The following SVEP1 variants were observed in gnomAD, a reference collection of about 807,000 sequenced individuals.
SVEP1 encodes the protein sushi, von Willebrand factor type A, EGF and pentraxin domain containing 1.
Under a neutral mutation model 367.3 loss-of-function variants are expected in SVEP1, and 164 were observed. The observed-to-expected ratio is 0.45, with a 90% CI of 0.39 to 0.51. The LOEUF (loss-of-function observed/expected upper bound fraction) is 0.51, where lower values mean the gene tolerates loss of function less well. SVEP1 is among the 20% of genes least tolerant of loss of function. SVEP1 has a pLI of 0.00. For missense variants in SVEP1, 4,117 were observed against 4,425.3 expected (o/e 0.93, Z 1.98); for synonymous variants, 1,666 against 1,611.6 (o/e 1.03, Z -0.81).
At chr9:110,432,777 C>T in intron 30 of SVEP1, 142 bp from the exon 31 acceptor site, 1 of 933,906 alleles carries the variant, frequency 1.1e-6, no homozygotes, top group Non-Finnish European at 1.6e-6. Context: ...CTAGGGATAG[C>T]AGCAGCCTGA....
chr9:110,403,853 C>CTTTTTTTTTTTTTT (rs11439177), intron 39 of SVEP1, among the ~76,000 whole-genome samples: 1 of 144,192 alleles, frequency 6.9e-6, no homozygotes, highest in Non-Finnish European at 1.5e-5. Flanking sequence ...TAATAATACA[C>CTTTTTTTTTTTTTT]TTTTTTTTTT....
chr9:110,409,282 CATGGTGGTATGTGCCTGTA>C (rs1828007695), intron 37 of SVEP1, among the ~76,000 whole-genome samples: 1 of 151,970 alleles, frequency 6.6e-6, no homozygotes, highest in African/African-American at 2.4e-5. Context: ...ATTAGCTAGG[CATGGTGGTATGTGCCTGTA>C]ATCTCAGCCA....
intron 1 of SVEP1, among the ~76,000 whole-genome samples, chr9:110,576,095 A>T (rs1173873360): frequency 2.0e-5 from 3 of 152,162 alleles, no homozygotes; most frequent in Non-Finnish European, 2.9e-5. Flanking sequence ...TAAATGTCTT[A>T]AAAAAACATG....
chr9:110,513,071 A>G lies in SVEP1; in HGVS notation c.1158T>C (p.Asn386=). 1 of 1,613,850 alleles carries G rather than the reference A, an allele frequency of 6.2e-7. No individual in the cohort carries two copies. The highest frequency in any genetic ancestry group is 8.5e-7 in the Non-Finnish European group (1 of 1,179,832). The change falls in exon 5 of 48, where the codon AAT becomes AAC. Residue 386 remains asparagine, a synonymous_variant. Transcript: ENST00000374469. ...VHCPALKPPE[N]GYFIQNTCNN... is the part of the protein sequence containing the mutation. ...TGCAAGTGTTTTGGATAAAGTAACC[A>G]TTTTCGGGAGGCTTCAGGGCAGGGC...
At chr9:110,503,245 C>T (rs764339452) in intron 5 of SVEP1, 28 bp from the exon 6 acceptor site, 37 of 1,587,938 alleles carry the variant, frequency 2.3e-5, no homozygotes, top group Admixed American at 1.1e-4. Flanking sequence ...AATTAGATCA[C>T]ATTTTGCTAA....
intron 38 of SVEP1, 81 bp from the exon 39 acceptor site, chr9:110,404,633 T>C: frequency 7.7e-7 from 1 of 1,292,328 alleles, no homozygotes; most frequent in Non-Finnish European, 1.1e-6. Flanking sequence ...AGGAAGCTGT[T>C]ACAAGGCTCA....
intron 1 of SVEP1, among the ~76,000 whole-genome samples, chr9:110,565,872 G>C (rs946789884): frequency 3.3e-5 from 5 of 151,966 alleles, no homozygotes; most frequent in African/African-American, 1.2e-4. Context: ...ATGACATAGA[G>C]GTAGTTCTGC....
At chr9:110,569,618 G>A (rs955269084) in intron 1 of SVEP1, among the ~76,000 whole-genome samples, 2 of 152,058 alleles carry the variant, frequency 1.3e-5, no homozygotes, top group African/African-American at 2.4e-5. Flanking sequence ...CTTAGTAAAC[G>A]ACTCAATCAT....
At chr9:110,517,931 A>T (rs1829826880) in intron 3 of SVEP1, among the ~76,000 whole-genome samples, 1 of 152,122 alleles carries the variant, frequency 6.6e-6, no homozygotes, top group Admixed American at 6.5e-5. Context: ...TACTAAAGAA[A>T]GTCTAAGAAA....
At chr9:110,376,222 C>A (rs62571870) in intron 45 of SVEP1, among the ~76,000 whole-genome samples, 8,587 of 152,194 alleles carry the variant, frequency 0.056, 272 homozygotes, top group Middle Eastern at 0.13. Flanking sequence ...CATAGCAAAG[C>A]TTGGGAAGCA....
chr9:110,526,926 A>G lies in SVEP1; in HGVS notation c.965-12820T>C, dbSNP rs1028961021. On this transcript the variant is annotated intron_variant, in intron 3 of 47. Transcript: ENST00000374469. ...TGCCATGTGAAAAAAGCCAGGCTCAATATGTCACATTCTGCATGGCTCCAT... is the reference window on the plus strand; with the variant it reads ...TGCCATGTGAAAAAAGCCAGGCTCAGTATGTCACATTCTGCATGGCTCCAT... Among the ~76,000 whole-genome samples, 4 of 152,148 alleles carry G rather than the reference A, an allele frequency of 2.6e-5. No individual in the cohort carries two copies. The South Asian group carries it at 8.3e-4, about 31-fold the overall frequency.
chr9:110,502,695 T>C (rs1340191582), intron 6 of SVEP1, among the ~76,000 whole-genome samples: 1 of 152,190 alleles, frequency 6.6e-6, no homozygotes, highest in African/African-American at 2.4e-5. Flanking sequence ...AAGGTAAATG[T>C]AAAACATGTT....
chr9:110,513,219 C>T, intron 4 of SVEP1, 114 bp from the exon 5 acceptor site: 2 of 974,876 alleles, frequency 2.1e-6, no homozygotes, highest in Non-Finnish European at 3.0e-6. Context: ...TTGCCTACAG[C>T]ATTTCCATTT....
rs978576626 is a variant in SVEP1 at position 110,469,240 on chromosome 9, T to G, written c.2999-139A>C. On this transcript the variant is annotated intron_variant, in intron 16 of 47. Transcript: ENST00000374469. ...TGGGTTAAATTTTATGGCCAGAGGC[T>G]TATTCACAAGGTAAACCTTTCAGAA... The G allele has an allele frequency of 1.2e-4, 92 of 775,288 alleles. No homozygotes were observed. The African/African-American group carries it at 1.3e-3, about 11-fold the overall frequency. 48.0% of individuals were successfully genotyped at this position (775,288 alleles called of 1,614,324 possible).
In SVEP1 at chr9:110,432,095, C is replaced by G. The variant is rs1124545; in HGVS notation, c.5234-61G>C. On this transcript the variant is annotated intron_variant, in intron 31 of 47. Coordinates refer to ENST00000374469, the MANE Select transcript of SVEP1 (RefSeq NM_153366.4). ...TTCCTTTTCCGTATGTATCAAACAT[C>G]TGTTTTTACTTTTAAATCATTACAT... is the stretch of plus-strand genomic sequence containing the variant. The G allele has an allele frequency of 2.0e-6, 3 of 1,521,316 alleles. No individual in the cohort carries two copies. The African/African-American group carries it at 4.2e-5, about 21-fold the overall frequency. The allele number at this position is 1,521,316 out of a possible 1,614,324, so 94.2% of individuals were successfully genotyped here.
intron 6 of SVEP1, among the ~76,000 whole-genome samples, chr9:110,499,521 A>G (rs1046663281): frequency 6.6e-6 from 1 of 152,204 alleles, no homozygotes; most frequent in Non-Finnish European, 1.5e-5. Context: ...TGCTTGGAGC[A>G]CATTCATTTA....
In SVEP1 at chr9:110,529,498, G is replaced by A. The variant is rs371333228; in HGVS notation, c.965-15392C>T. 2.8e-4 allele frequency among the ~76,000 whole-genome samples: 42 copies of A among 152,038 alleles called. No individual in the cohort carries two copies. The East Asian group carries it at 6.2e-3, about 22-fold the overall frequency. On this transcript the variant is annotated intron_variant, in intron 3 of 47. Coordinates refer to ENST00000374469, the MANE Select transcript of SVEP1 (RefSeq NM_153366.4). Reference sequence around the variant, plus strand: ...TTGATTCTTCCAATTAATAAGCATCGGATGTTCTTCCATTTGTTTGTGTCA... The same window carrying A: ...TTGATTCTTCCAATTAATAAGCATCAGATGTTCTTCCATTTGTTTGTGTCA...
At chr9:110,534,464 A>G (rs1830056509) in intron 3 of SVEP1, among the ~76,000 whole-genome samples, 1 of 152,116 alleles carries the variant, frequency 6.6e-6, no homozygotes, top group Admixed American at 6.6e-5. Context: ...TGTTGTTATT[A>G]TGAATAGCGC....
rs752651332 is a variant in SVEP1, at chr9:110,407,092, G to A, written c.8508C>T (p.Pro2836=). ...TCACCTGGCCATTGGCTGAGACTGG[G>A]GGTGAACTGCAGTCCACAGGAATGC... is the stretch of plus-strand genomic sequence containing the variant. ...PICIPVDCSS[P]PVSANGQVRG... Residue 2836 remains proline, a synonymous_variant, in exon 38 of 48, where the codon CCC becomes CCT. Coordinates refer to ENST00000374469, the MANE Select transcript of SVEP1 (RefSeq NM_153366.4). 6.2e-7 allele frequency: 1 copy of A among 1,613,950 alleles called. No individual in the cohort carries two copies. The highest frequency in any genetic ancestry group is 8.5e-7 in the Non-Finnish European group (1 of 1,179,874).
Sources: gnomAD v4.1 joint callset for allele counts (sites outside exome capture counted in the v4.1 genomes callset) on GRCh38, gnomAD v4.1.1 for gene constraint, MANE v1.5 for transcripts, NCBI Gene and HGNC (gene_info 2026-07-23, HGNC 2026-07-21) for gene names.